The following TENM4 variants were observed in gnomAD, a reference collection of about 807,000 sequenced individuals.
TENM4 encodes the protein teneurin-4.
In TENM4, 82 loss-of-function variants were observed where a neutral mutation model predicts 243.3. That is an observed-to-expected ratio of 0.34 (90% CI 0.28 to 0.40). The LOEUF is 0.40. TENM4 is among the 10% of genes least tolerant of loss of function. The probability of loss-of-function intolerance (pLI) is 1.00; values close to 1 mark genes in which losing one functional copy is unlikely to be tolerated. For missense variants in TENM4, 3,138 were observed against 3,673.3 expected (o/e 0.85, Z 3.77); for synonymous variants, 1,412 against 1,456.3 (o/e 0.97, Z 0.69).
At chr11:79,014,698 T>G (rs1203756280) in intron 6 of TENM4, 2 of 152,206 alleles carry the variant, frequency 1.3e-5, no homozygotes, top group African/African-American at 4.8e-5. Context: ...CAGGGAGAAC[T>G]GCCTTTCACT....
chr11:79,247,750 C>T (rs1229474228), intron 2 of TENM4, among the ~76,000 whole-genome samples: 1 of 152,240 alleles, frequency 6.6e-6, no homozygotes, highest in Non-Finnish European at 1.5e-5. Flanking sequence ...ACTACATGCT[C>T]TCCTTCTATA....
intron 3 of TENM4, among the ~76,000 whole-genome samples, chr11:79,193,931 A>G (rs1410035297): frequency 6.6e-6 from 1 of 152,116 alleles, no homozygotes; most frequent in Non-Finnish European, 1.5e-5. Context: ...AGTGGAGAGC[A>G]GGGGTAATAT....
intron 3 of TENM4, among the ~76,000 whole-genome samples, chr11:79,165,187 T>TAGA (rs1862885979): frequency 6.6e-6 from 1 of 152,128 alleles, no homozygotes; most frequent in South Asian, 2.1e-4. Flanking sequence ...CAAATGGTAG[T>TAGA]TCTACTTTTA....
chr11:78,720,275 T>C, intron 25 of TENM4, 95 bp downstream of exon 25: 1 of 1,402,952 alleles, frequency 7.1e-7, no homozygotes, highest in Non-Finnish European at 1.0e-6. Flanking sequence ...AGGATTCTTT[T>C]GCCATACAGC....
intron 6 of TENM4, among the ~76,000 whole-genome samples, chr11:79,059,266 G>T (rs1860025971): frequency 6.6e-6 from 1 of 152,112 alleles, no homozygotes; most frequent in Admixed American, 6.5e-5. Flanking sequence ...GACCCATCAT[G>T]CTTCTGCGTG....
At chr11:78,920,290 T>C (rs1482730890) in intron 6 of TENM4, among the ~76,000 whole-genome samples, 1 of 152,128 alleles carries the variant, frequency 6.6e-6, no homozygotes, top group African/African-American at 2.4e-5. Flanking sequence ...CAAACAAGAG[T>C]AGTTTTTAAA....
chr11:79,288,000 T>C (rs566109448), intron 2 of TENM4, among the ~76,000 whole-genome samples: 6 of 152,342 alleles, frequency 3.9e-5, no homozygotes, highest in East Asian at 1.9e-4. Flanking sequence ...AACAGCCTAA[T>C]TGATCTTTGG....
At chr11:78,789,800 G>A (rs189578717) in intron 15 of TENM4, among the ~76,000 whole-genome samples, 9 of 152,318 alleles carry the variant, frequency 5.9e-5, no homozygotes, top group Admixed American at 5.9e-4. Context: ...CCAGACTTCA[G>A]GTCTTAGCTA....
At chr11:78,924,829 T>A (rs567531104) in intron 6 of TENM4, 2 of 152,316 alleles carry the variant, frequency 1.3e-5, no homozygotes, top group African/African-American at 4.8e-5. Flanking sequence ...ACTAATAGAA[T>A]TTAAAGAATT....
intron 3 of TENM4, among the ~76,000 whole-genome samples, chr11:79,196,529 G>T (rs1015617122): frequency 6.6e-6 from 1 of 152,148 alleles, no homozygotes; most frequent in Non-Finnish European, 1.5e-5. Context: ...GGGGTGTTGT[G>T]GAGAGTAGTG....
At chr11:78,877,490 G>A (rs906298007) in intron 9 of TENM4, among the ~76,000 whole-genome samples, 9 of 152,150 alleles carry the variant, frequency 5.9e-5, no homozygotes, top group African/African-American at 1.9e-4. Context: ...GAATACAAAC[G>A]AGACGGGGAA....
In TENM4 at chr11:78,684,418, T is replaced by A. The variant is rs538800158; in HGVS notation, c.5260+3636A>T. Among the ~76,000 whole-genome samples the A allele has an allele frequency of 5.2e-5, 8 of 152,390 alleles. 1 individual carries two copies. The South Asian group carries it at 1.7e-3, about 32-fold the overall frequency. ...GAACTGTACTTGGCATATAGTGTTATGTAAATGTTAGCTGTCACTGGTTTT... is the reference window on the plus strand; with the variant it reads ...GAACTGTACTTGGCATATAGTGTTAAGTAAATGTTAGCTGTCACTGGTTTT... On this transcript the variant is annotated intron_variant, in intron 29 of 33. Coordinates refer to ENST00000278550, the MANE Select transcript of TENM4 (RefSeq NM_001098816.3).
chr11:79,416,838 C>G (rs561010012), intron 1 of TENM4, among the ~76,000 whole-genome samples: 2 of 151,018 alleles, frequency 1.3e-5, no homozygotes, highest in South Asian at 4.2e-4. Flanking sequence ...TCTTCTATCT[C>G]AGGTACAGTT....
rs576384858 is a variant in TENM4, at chr11:78,720,741, C to T, written c.3801-351G>A. ...CTGTACAGACACATACCCAGAGATA[C>T]ACATGCTTACTGCCCTGTGTCTCCA... is the stretch of plus-strand genomic sequence containing the variant. On this transcript the variant is annotated intron_variant, in intron 24 of 33. Transcript: ENST00000278550. Among the ~76,000 whole-genome samples, 4 of 152,132 alleles carry T rather than the reference C, an allele frequency of 2.6e-5. No homozygotes were observed. The South Asian group carries it at 8.3e-4, about 32-fold the overall frequency.
intron 20 of TENM4, among the ~76,000 whole-genome samples, 188 bp from the exon 21 acceptor site, chr11:78,732,765 T>C (rs1320608551): frequency 6.6e-6 from 1 of 152,212 alleles, no homozygotes; most frequent in Non-Finnish European, 1.5e-5. Context: ...AAAGCAGTTT[T>C]TTTTTACCCC....
intron 6 of TENM4, among the ~76,000 whole-genome samples, chr11:78,911,673 TAAG>T (rs1411169643): frequency 2.6e-5 from 4 of 152,198 alleles, no homozygotes; most frequent in South Asian, 4.1e-4. Flanking sequence ...GGTGGCTTTA[TAAG>T]AAGAAGAGAG....
intron 3 of TENM4, among the ~76,000 whole-genome samples, chr11:79,196,023 T>C (rs1394876401): frequency 1.3e-5 from 2 of 152,246 alleles, no homozygotes; most frequent in South Asian, 2.1e-4. Context: ...CGAGATCTGA[T>C]GGGTTTATCA....
At chr11:78,670,794 A>C (rs1858304401) in intron 31 of TENM4, among the ~76,000 whole-genome samples, 1 of 152,180 alleles carries the variant, frequency 6.6e-6, no homozygotes, top group Admixed American at 6.5e-5. Flanking sequence ...CTTTAACCTT[A>C]GCACACCTGT....
intron 14 of TENM4, among the ~76,000 whole-genome samples, chr11:78,809,114 A>G (rs1857444844): frequency 6.6e-6 from 1 of 152,204 alleles, no homozygotes; most frequent in African/African-American, 2.4e-5. Context: ...GGAGGGTGCC[A>G]AGTGCAGCAA....
Sources: gnomAD v4.1 joint callset for allele counts (sites outside exome capture counted in the v4.1 genomes callset) on GRCh38, gnomAD v4.1.1 for gene constraint, MANE v1.5 for transcripts, NCBI Gene and HGNC (gene_info 2026-07-23, HGNC 2026-07-21) for gene names.